Variants in SNAP91 observed in about 807,000 individuals in gnomAD.
SNAP91 encodes the protein clathrin coat assembly protein AP180.
In SNAP91, 27 loss-of-function variants were observed where a neutral mutation model predicts 100.3. The ratio of observed to expected loss-of-function variants is 0.27; its 90% confidence interval spans 0.20 to 0.37. SNAP91 has a LOEUF of 0.37. Ranked by LOEUF, SNAP91 falls within the 10% of genes least tolerant of loss-of-function variation. SNAP91 has a pLI of 1.00. For synonymous variants in SNAP91, 404 were observed against 398.6 expected, an observed-to-expected ratio of 1.01 and a Z score of -0.16; for missense variants, 986 against 1,123.7, an observed-to-expected ratio of 0.88 and a Z score of 1.75.
intron 2 of SNAP91, among the ~76,000 whole-genome samples, chr6:83,669,813 A>T (rs1193938191): frequency 6.6e-6 from 1 of 152,004 alleles, no homozygotes; most frequent in Non-Finnish European, 1.5e-5. Flanking sequence ...ATGTTATTGA[A>T]TGTATCAATA....
At chr6:83,687,908 C>A (rs2099081640) in intron 2 of SNAP91, among the ~76,000 whole-genome samples, 1 of 152,082 alleles carries the variant, frequency 6.6e-6, no homozygotes, top group African/African-American at 2.4e-5. Flanking sequence ...GCTTGAGCAA[C>A]TGAATAGATG....
At chr6:83,693,833 G>T (rs2099161219) in intron 2 of SNAP91, among the ~76,000 whole-genome samples, 1 of 152,080 alleles carries the variant, frequency 6.6e-6, no homozygotes, top group Non-Finnish European at 1.5e-5. Flanking sequence ...GCCATTTCTG[G>T]GTCTATGTAA....
chr6:83,707,701 A>G (rs1472941063), intron 2 of SNAP91, 97 bp downstream of exon 2: 1 of 1,479,612 alleles, frequency 6.8e-7, no homozygotes, highest in African/African-American at 1.5e-5. Flanking sequence ...GGAGTATCAG[A>G]GGCCACAGCA....
Position 83,594,375 on chromosome 6 carries a change from AT to A in SNAP91, c.1430del (p.Asn477MetfsTer22). 6.4e-7 allele frequency: 1 copy of A among 1,552,500 alleles called. No individual in the cohort carries two copies. The highest frequency in any genetic ancestry group is 8.7e-7 in the Non-Finnish European group (1 of 1,147,162). ...ACTGGCTAATGACTTTAAACCCACC[AT>A]TTCCTGAACATGCATCAAGTGCTGC... Reference protein sequence around the residue: ...VAAALDACSGNDPFAPSEGSA... With the variant: ...VAAALDACSGXDPFAPSEGSA... On this transcript the variant is annotated frameshift_variant and splice_region_variant, in exon 17 of 30. Transcript: ENST00000369694. LOFTEE classifies it high-confidence loss of function.
chr6:83,564,539 A>G (rs1349796923), intron 26 of SNAP91, among the ~76,000 whole-genome samples: 1 of 151,724 alleles, frequency 6.6e-6, no homozygotes. Context: ...ATTTTATTTT[A>G]TTTTTTGTAG....
rs543806107 is a variant in SNAP91 at position 83,631,191 on chromosome 6, G to A, written c.766-7849C>T. ...AGTTGATTTCCAGTTTTATTCCACT[G>A]TGGTCTGAGAGAGTGCTTCATATAA... On this transcript the variant is annotated intron_variant, in intron 8 of 29. Coordinates refer to ENST00000369694, the MANE Select transcript of SNAP91 (RefSeq NM_001242792.2). Among the ~76,000 whole-genome samples, 20 of 152,196 alleles carry A rather than the reference G, an allele frequency of 1.3e-4. No individual in the cohort carries two copies. In the East Asian group the frequency reaches 3.7e-3, roughly 28 times the overall value.
intron 10 of SNAP91, among the ~76,000 whole-genome samples, chr6:83,616,432 A>G (rs75848577): frequency 0.028 from 4,195 of 152,292 alleles, 196 homozygotes; most frequent in African/African-American, 0.093. Context: ...AAAATCTAGT[A>G]AAACTGTACT....
At chr6:83,621,667 A>C (rs962097126) in intron 9 of SNAP91, among the ~76,000 whole-genome samples, 1 of 152,142 alleles carries the variant, frequency 6.6e-6, no homozygotes, top group African/African-American at 2.4e-5. Flanking sequence ...CTCATTGTCT[A>C]ATGTTAAAAG....
chr6:83,575,568 G>A (rs761365802), intron 25 of SNAP91: 13 of 219,850 alleles, frequency 5.9e-5, no homozygotes, highest in Middle Eastern at 1.6e-3. Context: ...TACAGTGATC[G>A]TAAGACACCA....
intron 9 of SNAP91, among the ~76,000 whole-genome samples, chr6:83,618,272 A>T (rs929740571): frequency 6.6e-6 from 1 of 151,912 alleles, no homozygotes; most frequent in Non-Finnish European, 1.5e-5. Context: ...AGATATATAA[A>T]AATTACTAAG....
chr6:83,650,375 C>T (rs2098145436), intron 7 of SNAP91, among the ~76,000 whole-genome samples: 1 of 152,160 alleles, frequency 6.6e-6, no homozygotes, highest in African/African-American at 2.4e-5. Flanking sequence ...ACAGGCAGAT[C>T]TGAGAATATT....
intron 22 of SNAP91, among the ~76,000 whole-genome samples, chr6:83,589,790 A>G (rs1417086606): frequency 6.6e-6 from 1 of 152,148 alleles, no homozygotes; most frequent in Non-Finnish European, 1.5e-5. Context: ...ATTTGACCTC[A>G]ACTCAAACTC....
intron 3 of SNAP91, among the ~76,000 whole-genome samples, chr6:83,663,393 T>C (rs1305206277): frequency 6.6e-6 from 1 of 152,116 alleles, no homozygotes; most frequent in Non-Finnish European, 1.5e-5. Context: ...GTTGTAAATA[T>C]AAAGGAAAAG....
At chr6:83,580,940 A>T (rs1217649771) in intron 23 of SNAP91, among the ~76,000 whole-genome samples, 32 of 152,212 alleles carry the variant, frequency 2.1e-4, no homozygotes. Context: ...TCATCTGTAA[A>T]TGGGGAGAGT....
intron 26 of SNAP91, among the ~76,000 whole-genome samples, chr6:83,569,723 T>C (rs1202255393): frequency 1.3e-5 from 2 of 152,118 alleles, no homozygotes; most frequent in Non-Finnish European, 2.9e-5. Context: ...TGGGGGCAGG[T>C]CTTTCCCATG....
intron 8 of SNAP91, among the ~76,000 whole-genome samples, chr6:83,631,134 T>C (rs1333078056): frequency 6.6e-6 from 1 of 152,196 alleles, no homozygotes; most frequent in Non-Finnish European, 1.5e-5. Context: ...TTAATTTCCA[T>C]GTATTTGCAT....
chr6:83,605,651 T>C (rs1437717119), intron 14 of SNAP91, 34 bp downstream of exon 14: 4 of 1,549,652 alleles, frequency 2.6e-6, no homozygotes, highest in South Asian at 1.2e-5. Context: ...ATAAAATGAA[T>C]AGAGAAATGG....
chr6:83,705,838 T>C (rs2099369330), intron 2 of SNAP91, among the ~76,000 whole-genome samples: 1 of 151,712 alleles, frequency 6.6e-6, no homozygotes, highest in Non-Finnish European at 1.5e-5. Context: ...TGAAAGTTAA[T>C]TACCCTCCCT....
rs535585039 is a variant in SNAP91 at position 83,630,201 on chromosome 6, C to T, written c.766-6859G>A. Among the ~76,000 whole-genome samples the T allele has an allele frequency of 2.0e-5, 3 of 151,628 alleles. No homozygotes were observed. The South Asian group carries it at 6.3e-4, about 32-fold the overall frequency. On this transcript the variant is annotated intron_variant, in intron 8 of 29. Coordinates refer to ENST00000369694, the MANE Select transcript of SNAP91 (RefSeq NM_001242792.2). The stretch of plus-strand genomic sequence containing the variant: ...CTTCCCTGCATCCCTGGTATGAAAC[C>T]CTTGATCATGGTGGATTATCTTTTT...
Sources: allele counts gnomAD v4.1 joint callset (sites outside exome capture counted in the v4.1 genomes callset), GRCh38; gene constraint gnomAD v4.1.1; transcripts MANE v1.5; gene names NCBI Gene and HGNC (gene_info 2026-07-23, HGNC 2026-07-21).